ADAT1: variants seen among roughly 807,000 people sequenced by gnomAD.
ADAT1 encodes tRNA-specific adenosine deaminase 1.
A neutral mutation model predicts 58.6 loss-of-function variants in ADAT1; 58 were observed. The ratio of observed to expected loss-of-function variants is 0.99; its 90% CI spans 0.80 to 1.23. ADAT1 has a LOEUF of 1.23. ADAT1 is among the 50% of genes most tolerant of loss of function. ADAT1 has a pLI of 0.00. For synonymous variants in ADAT1, 254 were observed against 220.8 expected, an observed-to-expected ratio of 1.15 and a Z score of -1.33; for missense variants, 741 against 608.6, an observed-to-expected ratio of 1.22 and a Z score of -2.29.
chr16:75,608,978 C>G lies in ADAT1; in HGVS notation c.1054G>C (p.Val352Leu), dbSNP rs1374427775. 6.2e-7 allele frequency: 1 copy of G among 1,614,066 alleles called. No individual in the cohort carries two copies. The highest frequency in any genetic ancestry group is 1.3e-5 in the African/African-American group (1 of 74,944). ...QRALIGRCQN[V>L]SALPKGFGVQ... ...CCGAAGCCTTTTGGTAAAGCAGACACATTCTGACACCTAAATACAAGGGAA... is the reference window on the plus strand; with the variant it reads ...CCGAAGCCTTTTGGTAAAGCAGACAGATTCTGACACCTAAATACAAGGGAA... The change falls in exon 7 of 10, where the codon GTG becomes CTG. Residue 352 changes from valine to leucine, a missense_variant. Coordinates refer to ENST00000564657, the MANE Select transcript of ADAT1 (RefSeq NM_001324445.2).
intron 6 of ADAT1, among the ~76,000 whole-genome samples, chr16:75,610,275 G>C (rs905788387): frequency 2.0e-5 from 3 of 151,714 alleles, no homozygotes; most frequent in African/African-American, 7.3e-5. Context: ...TTTATGTACA[G>C]GTTTTTGTTA....
chr16:75,617,877 A>G (rs1391608778), intron 4 of ADAT1, among the ~76,000 whole-genome samples: 1 of 150,072 alleles, frequency 6.7e-6, no homozygotes, highest in Non-Finnish European at 1.5e-5. Context: ...CTTGAGCCCC[A>G]GGAATCCAAC....
rs2081085883 is a variant in ADAT1, at chr16:75,597,036, G to C, written c.*3180C>G. On this transcript the variant is annotated 3_prime_UTR_variant, in exon 10 of 10. Transcript: ENST00000564657. ...ATAGACAAATCCAAACAGACAGAAA[G>C]TAGATTACTGATTGCCCTGGGGTAG... is the stretch of plus-strand genomic sequence containing the variant. The C allele has an allele frequency of 6.5e-6, 1 of 154,688 alleles. No individual in the cohort carries two copies. The highest frequency in any genetic ancestry group is 1.9e-4 in the South Asian group (1 of 5,276). 9.6% of individuals were successfully genotyped at this position (154,688 alleles called of 1,614,324 possible).
At chr16:75,618,555 G>T in intron 4 of ADAT1, 31 bp downstream of exon 4, 3 of 1,485,376 alleles carry the variant, frequency 2.0e-6, no homozygotes, top group Non-Finnish European at 2.7e-6. Flanking sequence ...CCCCAGTCCT[G>T]CTGAACCATA....
intron 4 of ADAT1, among the ~76,000 whole-genome samples, chr16:75,618,052 C>G (rs758828688): frequency 5.5e-5 from 7 of 127,294 alleles, no homozygotes; most frequent in Non-Finnish European, 9.5e-5. Context: ...GAGCTGAGAT[C>G]ACATCACTGC....
chr16:75,603,263 G>C, intron 8 of ADAT1, 92 bp from the exon 9 acceptor site: 1 of 1,114,380 alleles, frequency 9.0e-7, no homozygotes. Flanking sequence ...TGGTTTTTAG[G>C]TTTGAAGGTG....
At chr16:75,615,624 A>C (rs1230023907) in intron 5 of ADAT1, among the ~76,000 whole-genome samples, 1 of 151,684 alleles carries the variant, frequency 6.6e-6, no homozygotes, top group Admixed American at 6.6e-5. Flanking sequence ...GGGTTAGACA[A>C]GTTTGGATTA....
rs780596851 is a variant in ADAT1, at chr16:75,623,167, CAG to C, written c.-788_-787del. 1.0e-4 allele frequency: 16 copies of C among 152,388 alleles called. No individual in the cohort carries two copies. The highest frequency in any genetic ancestry group is 2.3e-4 in the Non-Finnish European group (16 of 68,088). The allele number at this position is 152,388 out of a possible 1,614,324, so 9.4% of individuals were successfully genotyped here. On this transcript the variant is annotated 5_prime_UTR_variant, in exon 1 of 10. Transcript: ENST00000564657. ...TCCTCACAACCTCTTCCCTCAAAAACAGACTCGGCAAAGTTAGCCCGGATAAA... is the reference window on the plus strand; with the variant it reads ...TCCTCACAACCTCTTCCCTCAAAAACACTCGGCAAAGTTAGCCCGGATAAA...
chr16:75,616,004 C>CT (rs529617080), intron 5 of ADAT1, among the ~76,000 whole-genome samples: 15,363 of 144,782 alleles, frequency 0.11, 812 homozygotes, highest in Middle Eastern at 0.14. Context: ...TCTTCTCTCT[C>CT]TTTTTTTTTT....
intron 8 of ADAT1, among the ~76,000 whole-genome samples, chr16:75,604,454 AAAATAT>A (rs61524270): frequency 2.1e-3 from 150 of 71,306 alleles, no homozygotes; most frequent in African/African-American, 7.4e-3. Context: ...AAAAAAAAAA[AAAATAT>A]ATATATATAT....
intron 3 of ADAT1, chr16:75,619,589 T>A: frequency 2.2e-6 from 1 of 455,322 alleles, no homozygotes; most frequent in Non-Finnish European, 4.4e-6. Context: ...ATTTTCATAT[T>A]CTTGTTGAGG....
rs1019937836 is a variant in ADAT1, at chr16:75,598,226, G to A, written c.*1990C>T. 1.4e-5 allele frequency: 5 copies of A among 347,270 alleles called. No homozygotes were observed. The highest frequency in any genetic ancestry group is 3.5e-5 in the Admixed American group (1 of 28,392). 21.5% of individuals were successfully genotyped at this position (347,270 alleles called of 1,614,324 possible). ...TGAGTAGTTGGGACTATAGGCGTGC[G>A]CCAATACACCTGGCTAATTTTTGTA... On this transcript the variant is annotated 3_prime_UTR_variant, in exon 10 of 10. Transcript: ENST00000564657.
intron 7 of ADAT1, 93 bp from the exon 8 acceptor site, chr16:75,608,416 C>A: frequency 9.4e-7 from 1 of 1,069,064 alleles, no homozygotes; most frequent in Non-Finnish European, 1.4e-6. Flanking sequence ...ACTCTACAGA[C>A]CCATGAGAGC....
chr16:75,620,443 A>G, intron 2 of ADAT1, 109 bp from the exon 3 acceptor site: 1 of 1,449,292 alleles, frequency 6.9e-7, no homozygotes, highest in Non-Finnish European at 9.7e-7. Context: ...GGCCCACTCA[A>G]CCAAGGTCTG....
intron 3 of ADAT1, chr16:75,619,638 C>T (rs779364612): frequency 2.6e-5 from 12 of 455,530 alleles, no homozygotes; most frequent in South Asian, 7.7e-5. Flanking sequence ...TTACCAGGTG[C>T]GGTGGCTCAC....
At position 75,620,633 on chromosome 16, in the gene ADAT1, T is replaced by G; in HGVS notation, c.167A>C (p.Gln56Pro). Residue 56 changes from glutamine to proline, a missense_variant and splice_region_variant, in exon 2 of 10, where the codon CAA (glutamine) becomes CCA (proline). Transcript: ENST00000564657. Reference protein sequence around the residue: ...KACDTPDKPVQVTKEVVSMGT... With the variant: ...KACDTPDKPVPVTKEVVSMGT... ...ATGCCAAGAAGAAAAAGTCTCACCT[T>G]GCACCGGCTTATCAGGGGTGTCGCA... is the stretch of plus-strand genomic sequence containing the variant. The G allele has an allele frequency of 6.2e-7, 1 of 1,612,820 alleles. No homozygotes were observed. Among genetic ancestry groups the G allele is most frequent in the East Asian group, 2.2e-5 (1 of 44,880 alleles).
chr16:75,619,276 A>G (rs773395007), intron 3 of ADAT1, among the ~76,000 whole-genome samples: 1 of 152,214 alleles, frequency 6.6e-6, no homozygotes, highest in Non-Finnish European at 1.5e-5. Flanking sequence ...TAATCCCAGC[A>G]CTTTGGGAGG....
intron 2 of ADAT1, 75 bp downstream of exon 2, chr16:75,620,556 T>C: frequency 6.4e-7 from 1 of 1,554,022 alleles, no homozygotes; most frequent in South Asian, 1.2e-5. Flanking sequence ...CCCACGACTG[T>C]ACCCTCACAG....
Position 75,612,781 on chromosome 16 carries a change from A to G in ADAT1, c.505T>C (p.Ser169Pro). Residue 169 changes from serine (S) to proline (P), a missense_variant, in exon 6 of 10, where the codon TCA (serine) becomes CCA (proline). Transcript: ENST00000564657. ...AGGTTACTACTGGCTTCTACTGATG[A>G]GTTGTGGGCCCAATTTCTGAAGACA... is the stretch of plus-strand genomic sequence containing the variant. ...CPVFRNWAHN[S>P]SVEASSNLEA... The G allele has an allele frequency of 1.1e-5, 17 of 1,614,030 alleles. No homozygotes were observed. Among genetic ancestry groups the G allele is most frequent in the Non-Finnish European group, 1.4e-5 (17 of 1,180,018 alleles).
Sources: allele counts gnomAD v4.1 joint callset (sites outside exome capture counted in the v4.1 genomes callset), GRCh38; gene constraint gnomAD v4.1.1; transcripts MANE v1.5; gene names NCBI Gene and HGNC (gene_info 2026-07-23, HGNC 2026-07-21).